MTSS1: variants seen among roughly 807,000 people sequenced by gnomAD.
MTSS1 encodes the protein protein MTSS 1.
MTSS1 carries 18 observed loss-of-function variants against 79.0 expected under a neutral mutation model. The observed-to-expected ratio is 0.23, with a 90% CI of 0.16 to 0.34. The LOEUF is 0.34. Ranked by LOEUF, MTSS1 falls within the 10% of genes least tolerant of loss-of-function variation. The pLI is 1.00. For synonymous variants in MTSS1, 341 were observed against 368.6 expected (o/e 0.93, Z 0.86); for missense variants, 815 against 986.2 (o/e 0.83, Z 2.33).
intron 1 of MTSS1, among the ~76,000 whole-genome samples, chr8:124,710,052 G>A (rs1365174762): frequency 6.6e-6 from 1 of 152,242 alleles, no homozygotes; most frequent in Non-Finnish European, 1.5e-5. Flanking sequence ...ACTTCTGGTA[G>A]GGGGTGCAGC....
At chr8:124,593,250 T>G (rs538939048) in intron 3 of MTSS1, among the ~76,000 whole-genome samples, 1 of 152,308 alleles carries the variant, frequency 6.6e-6, no homozygotes, top group South Asian at 2.1e-4. Context: ...GGGCCTTCGT[T>G]TGATTAAAAG....
intron 3 of MTSS1, among the ~76,000 whole-genome samples, chr8:124,637,671 G>A (rs537004430): frequency 6.6e-6 from 1 of 152,320 alleles, no homozygotes; most frequent in South Asian, 2.1e-4. Flanking sequence ...CACCCTAGAA[G>A]GGGTGGAATT....
Position 124,552,954 on chromosome 8 carries a change from GA to G in MTSS1, c.*37del, listed in dbSNP as rs757108766. ...TCAAGACAAATTAGGTTTTATTAAT[GA>G]AACAGTTCATTCCCCACCGGCGCAT... On this transcript the variant is annotated 3_prime_UTR_variant, in exon 14 of 14. Transcript: ENST00000518547. The G allele has an allele frequency of 3.7e-5, 59 of 1,579,546 alleles. No individual in the cohort carries two copies. The highest frequency in any genetic ancestry group is 1.8e-5 in the Non-Finnish European group (21 of 1,155,758).
At chr8:124,568,621 A>G (rs771278574) in intron 6 of MTSS1, 85 bp from the exon 7 acceptor site, 27 of 1,575,340 alleles carry the variant, frequency 1.7e-5, no homozygotes, top group Non-Finnish European at 2.2e-5. Flanking sequence ...TCCTTGCTGG[A>G]GTCAAAACCA....
chr8:124,591,069 A>G, intron 4 of MTSS1, 82 bp downstream of exon 4: 1 of 1,146,918 alleles, frequency 8.7e-7, no homozygotes, highest in African/African-American at 1.5e-5. Flanking sequence ...GGGGATTTAA[A>G]TGCTGTGTGC....
intron 3 of MTSS1, among the ~76,000 whole-genome samples, chr8:124,634,993 A>T (rs1487568308): frequency 6.6e-6 from 1 of 152,234 alleles, no homozygotes; most frequent in East Asian, 1.9e-4. Flanking sequence ...GTACGAAATA[A>T]TGAACTGTCC....
At position 124,591,212 on chromosome 8, in the gene MTSS1, C is replaced by G; in HGVS notation, c.232G>C (p.Ala78Pro). 2 of 1,614,214 alleles carry G rather than the reference C, an allele frequency of 1.2e-6. No individual in the cohort carries two copies. The highest frequency in any genetic ancestry group is 1.7e-6 in the Non-Finnish European group (2 of 1,180,024). Residue 78 changes from alanine to proline, a missense_variant, in exon 4 of 14, where the codon GCT (alanine) becomes CCT (proline). Ala to Pro is a conservative substitution (Grantham distance 27). This residue lies in a region of MTSS1 where 225 missense variants were observed against 365.4 expected (regional missense o/e 0.62). Transcript: ENST00000518547. ...TGCCTCATGCACATCCTGGTGAGAG[C>G]AGATCCAATCTCCCTGGTCCCACCT... Reference protein sequence around the residue: ...TRGGTREIGSALTRMCMRHRS... With the variant: ...TRGGTREIGSPLTRMCMRHRS...
chr8:124,661,704 G>A (rs987811220), intron 3 of MTSS1, among the ~76,000 whole-genome samples: 12 of 152,142 alleles, frequency 7.9e-5, no homozygotes, highest in East Asian at 1.9e-4. Flanking sequence ...CTCAAAGGCC[G>A]GGGCTAGGGA....
At chr8:124,643,721 A>C (rs1477486945) in intron 3 of MTSS1, among the ~76,000 whole-genome samples, 2 of 149,694 alleles carry the variant, frequency 1.3e-5, no homozygotes, top group South Asian at 4.2e-4. Flanking sequence ...AAAAAAAAAA[A>C]ACCACGAAAA....
chr8:124,712,792 G>C (rs887912362), intron 1 of MTSS1, among the ~76,000 whole-genome samples: 1 of 145,940 alleles, frequency 6.9e-6, no homozygotes, highest in African/African-American at 2.5e-5. Flanking sequence ...CCTATGAAAA[G>C]GAAGACTGAA....
In MTSS1 at chr8:124,724,339, G is replaced by A. The variant is rs146335705; in HGVS notation, c.72+3545C>T. Among the ~76,000 whole-genome samples, 195 of 152,292 alleles carry A rather than the reference G, an allele frequency of 1.3e-3. 2 individuals are homozygous for A. The highest frequency in any genetic ancestry group is 9.9e-3 in the Admixed American group (151 of 15,300). On this transcript the variant is annotated intron_variant, in intron 1 of 13. Transcript: ENST00000518547. ...GGATAGTGATGGCAAACACAGGTGG[G>A]GGGCGGTGGGGAGGAACTGAACAAG...
chr8:124,668,630 G>C (rs534971446), intron 3 of MTSS1, among the ~76,000 whole-genome samples: 1 of 152,286 alleles, frequency 6.6e-6, no homozygotes. Flanking sequence ...ATTAGGAAGG[G>C]AAAATTCATA....
chr8:124,559,608 C>T (rs1007335594), intron 10 of MTSS1, among the ~76,000 whole-genome samples: 1 of 152,170 alleles, frequency 6.6e-6, no homozygotes. Context: ...TAGTCAGCCA[C>T]GGCATGCGCT....
chr8:124,575,644 A>C (rs1157179523), intron 6 of MTSS1, among the ~76,000 whole-genome samples: 1 of 152,196 alleles, frequency 6.6e-6, no homozygotes, highest in Non-Finnish European at 1.5e-5. Flanking sequence ...TTGATGTAAG[A>C]AAATGCAAAA....
At position 124,685,196 on chromosome 8, in the gene MTSS1, C is replaced by G. The variant is rs144108338; in HGVS notation, c.208+14330G>C. Among the ~76,000 whole-genome samples, 7 of 152,336 alleles carry G rather than the reference C, an allele frequency of 4.6e-5. No individual in the cohort carries two copies. In the East Asian group the frequency reaches 1.2e-3, roughly 25 times the overall value. On this transcript the variant is annotated intron_variant, in intron 3 of 13. Coordinates refer to ENST00000518547, the MANE Select transcript of MTSS1 (RefSeq NM_014751.6). ...TTTCATCATCCCGGTACGGGGCTTTCTTTCACGGTAATGAAAATGTTTTGG... is the reference window on the plus strand; with the variant it reads ...TTTCATCATCCCGGTACGGGGCTTTGTTTCACGGTAATGAAAATGTTTTGG...
In MTSS1 at chr8:124,586,660, A is replaced by G. The variant is rs542472936; in HGVS notation, c.386-1499T>C. On this transcript the variant is annotated intron_variant, in intron 5 of 13. Transcript: ENST00000518547. ...CTGAGTTAAAGGCTGAATCGAAAAG[A>G]TGAAGGAAGTGCTGTGTCACCGAGG... Among the ~76,000 whole-genome samples the G allele has an allele frequency of 1.8e-4, 28 of 152,280 alleles. 1 individual carries two copies. In the South Asian group the frequency reaches 4.4e-3, roughly 24 times the overall value.
rs760812082 is a variant in MTSS1, at chr8:124,565,670, A to G, written c.816T>C (p.Ser272=). Residue 272 remains serine, a synonymous_variant, in exon 9 of 14, where the codon AGT becomes AGC. Transcript: ENST00000518547. ...ACCCCGGCTTCACTCACCTGCAGAC[A>G]CTGGACTTTCTGGACATGGTGGTGC... ...SPSTTMSRKS[S]VCSSLNSVNS... 3.0e-5 allele frequency: 48 copies of G among 1,613,734 alleles called. No homozygotes were observed. In the Admixed American group the frequency reaches 4.3e-4, roughly 15 times the overall value.
At position 124,553,321 on chromosome 8, in the gene MTSS1, A is replaced by T. The variant is rs982026330; in HGVS notation, c.1939T>A (p.Ser647Thr). 1.9e-5 allele frequency: 30 copies of T among 1,613,706 alleles called. No homozygotes were observed. The highest frequency in any genetic ancestry group is 2.5e-5 in the Non-Finnish European group (30 of 1,179,852). ...TGGGGGCCCTCACCCACAGATGGCG[A>T]CTCAGGGCTGTGCTCCCCCCGCTCT... ...PEERGEHSPE[S>T]PSVGEGPQGV... Residue 647 changes from serine (S) to threonine (T), a missense_variant, in exon 14 of 14, where the codon TCG becomes ACG. Coordinates refer to ENST00000518547, the MANE Select transcript of MTSS1 (RefSeq NM_014751.6). The surrounding 1 kb of genome is among the most constrained non-coding windows in gnomAD (Gnocchi z 6.0).
chr8:124,702,388 G>A (rs752417502), intron 2 of MTSS1, among the ~76,000 whole-genome samples: 1 of 152,122 alleles, frequency 6.6e-6, no homozygotes, highest in Non-Finnish European at 1.5e-5. Context: ...CAGGGGAGGT[G>A]GGATCTGATC....
Sources: allele counts gnomAD v4.1 joint callset (sites outside exome capture counted in the v4.1 genomes callset), GRCh38; gene constraint gnomAD v4.1.1; regional missense constraint gnomAD v4.1.1; non-coding constraint Gnocchi (gnomAD v3.1); transcripts MANE v1.5; gene names NCBI Gene and HGNC (gene_info 2026-07-23, HGNC 2026-07-21).